The following ADAMTS19 variants were observed in gnomAD, a reference collection of about 807,000 sequenced individuals.
The protein encoded by ADAMTS19 is ADAM metallopeptidase with thrombospondin type 1 motif 19, also known as A disintegrin and metalloproteinase with thrombospondin motifs 19.
ADAMTS19 carries 93 observed loss-of-function variants against 153.3 expected under a neutral mutation model. That is an observed-to-expected ratio of 0.61 (90% CI 0.51 to 0.72). The LOEUF is 0.72. ADAMTS19 is among the 30% of genes least tolerant of loss of function. The pLI, the probability that ADAMTS19 is intolerant of heterozygous loss-of-function variation, is 0.00. For missense variants in ADAMTS19, 1,482 were observed against 1,552.1 expected (o/e 0.95, Z 0.76); for synonymous variants, 600 against 556.6 (o/e 1.08, Z -1.10).
chr5:129,542,014 GT>G (rs1223094321), intron 6 of ADAMTS19, among the ~76,000 whole-genome samples: 2 of 152,040 alleles, frequency 1.3e-5, no homozygotes, highest in Non-Finnish European at 2.9e-5. Context: ...CTCTGAATAT[GT>G]TTTGCTGCCA....
chr5:129,602,179 G>C (rs1967971), intron 8 of ADAMTS19, among the ~76,000 whole-genome samples: 77,111 of 151,530 alleles, frequency 0.51, 22,640 homozygotes, highest in Non-Finnish European at 0.65. Flanking sequence ...CGCAACCTCT[G>C]CCTCCTGGGT....
At chr5:129,509,003 G>A in intron 2 of ADAMTS19, 74 bp from the exon 3 acceptor site, 2 of 1,262,016 alleles carry the variant, frequency 1.6e-6, no homozygotes, top group South Asian at 1.7e-5. Flanking sequence ...AAAACAGAAT[G>A]TATGAATGGA....
At chr5:129,550,677 G>A (rs1376651034) in intron 6 of ADAMTS19, among the ~76,000 whole-genome samples, 1 of 150,742 alleles carries the variant, frequency 6.6e-6, no homozygotes, top group Non-Finnish European at 1.5e-5. Context: ...TGACTTCATT[G>A]GTGAATAGGC....
chr5:129,470,195 A>G (rs1207337575), intron 2 of ADAMTS19, among the ~76,000 whole-genome samples: 1 of 152,232 alleles, frequency 6.6e-6, no homozygotes, highest in Non-Finnish European at 1.5e-5. Flanking sequence ...TTAAATAACA[A>G]AATTCTTTAT....
At chr5:129,681,096 T>G (rs1754787984) in intron 17 of ADAMTS19, among the ~76,000 whole-genome samples, 1 of 152,254 alleles carries the variant, frequency 6.6e-6, no homozygotes, top group Admixed American at 6.5e-5. Flanking sequence ...TGATTTAAGA[T>G]AAATTTGTCT....
intron 7 of ADAMTS19, among the ~76,000 whole-genome samples, chr5:129,558,854 T>C (rs1753404483): frequency 6.6e-6 from 1 of 152,108 alleles, no homozygotes; most frequent in Non-Finnish European, 1.5e-5. Flanking sequence ...AGTTGGTTAT[T>C]CACATGAAAA....
At chr5:129,702,981 T>A (rs1314832592) in intron 20 of ADAMTS19, among the ~76,000 whole-genome samples, 9 of 138,822 alleles carry the variant, frequency 6.5e-5, no homozygotes, top group Non-Finnish European at 1.1e-4. Context: ...TACAAATACA[T>A]ATATATATGT....
chr5:129,528,470 G>A (rs373892276), intron 5 of ADAMTS19, 50 bp from the exon 6 acceptor site: 12 of 1,424,460 alleles, frequency 8.4e-6, no homozygotes, highest in African/African-American at 3.0e-5. Context: ...TTGTTGTTTT[G>A]TATATACCTA....
chr5:129,489,634 G>A (rs1750703614), intron 2 of ADAMTS19, among the ~76,000 whole-genome samples: 1 of 152,078 alleles, frequency 6.6e-6, no homozygotes, highest in South Asian at 2.1e-4. Context: ...GTAAGTTTGA[G>A]GGGGAAAAAG....
At chr5:129,494,228 T>C (rs1013936530) in intron 2 of ADAMTS19, among the ~76,000 whole-genome samples, 4 of 152,244 alleles carry the variant, frequency 2.6e-5, no homozygotes, top group Admixed American at 2.0e-4. Context: ...TTATGAAGGA[T>C]AGAGGCTATG....
intron 21 of ADAMTS19, among the ~76,000 whole-genome samples, chr5:129,714,157 C>T (rs1481587834): frequency 2.6e-5 from 4 of 152,202 alleles, no homozygotes; most frequent in Non-Finnish European, 4.4e-5. Context: ...CGGTGGCTCA[C>T]GCCTGTAATC....
At chr5:129,713,823 G>C (rs1756590316) in intron 21 of ADAMTS19, among the ~76,000 whole-genome samples, 1 of 76,548 alleles carries the variant, frequency 1.3e-5, no homozygotes, top group Admixed American at 1.3e-4. Context: ...CTGAGCTGGG[G>C]GTTCTGGCCT....
chr5:129,616,634 T>C (rs2126968300), intron 8 of ADAMTS19, among the ~76,000 whole-genome samples: 1 of 152,188 alleles, frequency 6.6e-6, no homozygotes, highest in Non-Finnish European at 1.5e-5. Flanking sequence ...TTTTTTCAGT[T>C]GACTTGACAA....
intron 7 of ADAMTS19, among the ~76,000 whole-genome samples, chr5:129,565,666 C>T (rs1753680289): frequency 6.6e-6 from 1 of 152,106 alleles, no homozygotes; most frequent in African/African-American, 2.4e-5. Context: ...GCCCAGATAA[C>T]CTAAAAAGTT....
At chr5:129,721,248 A>C (rs1045677158) in intron 21 of ADAMTS19, among the ~76,000 whole-genome samples, 1 of 152,240 alleles carries the variant, frequency 6.6e-6, no homozygotes, top group African/African-American at 2.4e-5. Context: ...ATCTTGATAA[A>C]AATATTCAAC....
intron 21 of ADAMTS19, among the ~76,000 whole-genome samples, chr5:129,716,388 G>A (rs1756733970): frequency 6.6e-6 from 1 of 151,852 alleles, no homozygotes; most frequent in Non-Finnish European, 1.5e-5. Context: ...TAGTAGAGAT[G>A]GGGTTTTGCC....
Position 129,482,801 on chromosome 5 carries a change from A to G in ADAMTS19, c.747+21044A>G, listed in dbSNP as rs149426320. Among the ~76,000 whole-genome samples, 734 of 152,248 alleles carry G rather than the reference A, an allele frequency of 4.8e-3. 4 individuals are homozygous for G. Among genetic ancestry groups the G allele is most frequent in the Non-Finnish European group, 6.8e-3 (462 of 68,012 alleles). ...TTATTCACATTTCTATGTTCACAGT[A>G]TCACCATATGCTCAGTCCCATGTCA... On this transcript the variant is annotated intron_variant, in intron 2 of 22. Transcript: ENST00000274487.
Position 129,679,846 on chromosome 5 carries a change from C to T in ADAMTS19, c.2589C>T (p.Thr863=), listed in dbSNP as rs1218981879. 21 of 1,613,710 alleles carry T rather than the reference C, an allele frequency of 1.3e-5. No homozygotes were observed. Among genetic ancestry groups the T allele is most frequent in the South Asian group, 9.9e-5 (9 of 91,066 alleles). Residue 863 remains threonine (T), a synonymous_variant, in exon 17 of 23, where the codon ACC becomes ACT. Transcript: ENST00000274487. The stretch of plus-strand genomic sequence containing the variant: ...GAGCCTTCAATTTGGCTGGAACTAC[C>T]GTTCATTATGTAAGACGAGGCCTCT... The part of the protein sequence containing the change: ...HSGAFNLAGT[T]VHYVRRGLWE...
At chr5:129,649,020 TG>T in intron 13 of ADAMTS19, 50 bp downstream of exon 13, 1 of 1,493,698 alleles carries the variant, frequency 6.7e-7, no homozygotes, top group Non-Finnish European at 9.1e-7. Flanking sequence ...TTTCTAGGTT[TG>T]CGAAGTGTTT....
Sources: allele counts gnomAD v4.1 joint callset (sites outside exome capture counted in the v4.1 genomes callset), GRCh38; gene constraint gnomAD v4.1.1; transcripts MANE v1.5; gene names NCBI Gene and HGNC (gene_info 2026-07-23, HGNC 2026-07-21).